Variants in TRAP1 observed in about 807,000 individuals in gnomAD.
TRAP1 encodes the protein heat shock protein 75 kDa, mitochondrial.
Under a neutral mutation model 89.1 loss-of-function variants are expected in TRAP1, and 102 were observed. The observed-to-expected ratio is 1.15, with a 90% CI of 0.98 to 1.35. The LOEUF (loss-of-function observed/expected upper bound fraction) is 1.35. Among genes scored for constraint, TRAP1 ranks in the 40% most tolerant of loss-of-function variants. The pLI is 0.00. For synonymous variants in TRAP1, 508 were observed against 388.0 expected (o/e 1.31, Z -3.64); for missense variants, 1,256 against 945.3 (o/e 1.33, Z -4.31).
intron 11 of TRAP1, 120 bp from the exon 12 acceptor site, chr16:3,666,238 C>G: frequency 8.0e-7 from 1 of 1,249,082 alleles, no homozygotes; most frequent in East Asian, 2.5e-5. Context: ...AACAAGGTAC[C>G]GTTATTGGCC....
chr16:3,698,856 AG>A (rs1425575032), intron 1 of TRAP1, among the ~76,000 whole-genome samples: 1 of 151,984 alleles, frequency 6.6e-6, no homozygotes, highest in African/African-American at 2.4e-5. Flanking sequence ...ACTGCATTTC[AG>A]GGTGGGAGAT....
chr16:3,672,644 T>C, intron 10 of TRAP1, 56 bp downstream of exon 10: 1 of 1,556,614 alleles, frequency 6.4e-7, no homozygotes, highest in South Asian at 1.2e-5. Flanking sequence ...CCCTCACAGA[T>C]GCAGCGGGCG....
intron 17 of TRAP1, chr16:3,658,583 G>A: frequency 3.4e-6 from 2 of 582,418 alleles, no homozygotes; most frequent in South Asian, 4.2e-5. Flanking sequence ...TGAGGCAGGG[G>A]AATTGCTTGA....
At chr16:3,661,918 A>G (rs2043099046) in intron 16 of TRAP1, 69 bp downstream of exon 16, 1 of 1,503,074 alleles carries the variant, frequency 6.7e-7, no homozygotes, top group Non-Finnish European at 8.9e-7. Flanking sequence ...ACATTCCACA[A>G]CAAAAGAACA....
chr16:3,714,401 C>T (rs965047930), intron 1 of TRAP1, among the ~76,000 whole-genome samples: 2 of 152,214 alleles, frequency 1.3e-5, no homozygotes, highest in African/African-American at 4.8e-5. Flanking sequence ...TGGCTCACGC[C>T]TGTAATCCCA....
rs377480920 is a variant in TRAP1 at position 3,662,900 on chromosome 16, C to G, written c.1776G>C (p.Ser592=). 38 of 1,613,408 alleles carry G rather than the reference C, an allele frequency of 2.4e-5. No homozygotes were observed. Among genetic ancestry groups the G allele is most frequent in the Non-Finnish European group, 3.1e-5 (37 of 1,180,008 alleles). Residue 592 remains serine, a synonymous_variant, in exon 15 of 18, where the codon TCG becomes TCC. Transcript: ENST00000246957. The part of the protein sequence containing the change: ...LMAWMRNVLG[S]RVTNVKVTLR... ...GCCTCACCTTCACGTTGGTGACACG[C>G]GACCCCAGCACATTTCTCATCCAGG... is the stretch of plus-strand genomic sequence containing the variant.
At chr16:3,716,967 A>G (rs2051605575) in intron 1 of TRAP1, among the ~76,000 whole-genome samples, 1 of 152,126 alleles carries the variant, frequency 6.6e-6, no homozygotes. Flanking sequence ...TAACAAATGA[A>G]CCCTCAGTGC....
intron 1 of TRAP1, among the ~76,000 whole-genome samples, chr16:3,698,261 T>C (rs2051316971): frequency 6.6e-6 from 1 of 151,842 alleles, no homozygotes. Context: ...ATTAATTGAA[T>C]TGACAGCATT....
intron 15 of TRAP1, chr16:3,662,594 A>AC (rs942405344): frequency 3.2e-6 from 2 of 623,298 alleles, no homozygotes; most frequent in Admixed American, 4.2e-5. Context: ...CTTGTTTGGA[A>AC]CCCCCACGTC....
In TRAP1 at chr16:3,679,723, GACCCC is replaced by G; in HGVS notation, c.534_538del (p.Gly179LysfsTer12). The G allele has an allele frequency of 6.2e-7, 1 of 1,614,050 alleles. No homozygotes were observed. Among genetic ancestry groups the G allele is most frequent in the Non-Finnish European group, 8.5e-7 (1 of 1,179,974 alleles). On this transcript the variant is annotated frameshift_variant, in exon 5 of 18. Coordinates refer to ENST00000246957, the MANE Select transcript of TRAP1 (RefSeq NM_016292.3). LOFTEE classifies it high-confidence loss of function. ...GTGTGGGGGCCCCACGCTTACCTTT[GACCCC>G]GATCTGGCAATCGTCCCCAGGTTGG...
At chr16:3,662,250 C>T (rs1567220513) in intron 15 of TRAP1, 118 bp from the exon 16 acceptor site, 4 of 1,247,914 alleles carry the variant, frequency 3.2e-6, no homozygotes, top group Non-Finnish European at 3.3e-6. Context: ...GTCTCAAGGA[C>T]TCCCCTGGAC....
chr16:3,664,410 C>CCGG lies in TRAP1; in HGVS notation c.1430_1432dup (p.Ser477_Gly478insAla), dbSNP rs201472428. The CCGG allele has an allele frequency of 5.9e-3, 9,469 of 1,612,216 alleles. 64 individuals carry two copies. The highest frequency in any genetic ancestry group is 0.021 in the South Asian group (1,902 of 90,818). On this transcript the variant is annotated inframe_insertion, in exon 13 of 18. Coordinates refer to ENST00000246957, the MANE Select transcript of TRAP1 (RefSeq NM_016292.3). ...GTATTCTGAGAGGCTGGTTAGCTGC[C>CCGG]CGGAGGGCAGCGCCGAGGACTCGTA... is the stretch of plus-strand genomic sequence containing the variant.
chr16:3,658,307 C>CAAA, intron 17 of TRAP1, 77 bp from the exon 18 acceptor site: 2 of 1,212,036 alleles, frequency 1.7e-6, no homozygotes, highest in African/African-American at 3.1e-5. Context: ...GACAGAGTCT[C>CAAA]ACTGTTGCCG....
chr16:3,670,382 C>CAAAAAAAAAAAAAAAAAAAAAAAAAAAAA (rs760902038), intron 11 of TRAP1, among the ~76,000 whole-genome samples: 2 of 22,844 alleles, frequency 8.8e-5, no homozygotes, highest in African/African-American at 1.2e-4. Flanking sequence ...GACTCCGTCT[C>CAAAAAAAAAAAAAAAAAAAAAAAAAAAAA]AAAAAAAAAA....
intron 4 of TRAP1, among the ~76,000 whole-genome samples, chr16:3,682,531 C>T (rs1043480695): frequency 3.3e-5 from 5 of 152,056 alleles, no homozygotes; most frequent in Admixed American, 6.6e-5. Context: ...CTGGGACTAC[C>T]GGCACACGCT....
At chr16:3,709,037 G>A (rs548452270) in intron 1 of TRAP1, among the ~76,000 whole-genome samples, 4 of 151,664 alleles carry the variant, frequency 2.6e-5, no homozygotes, top group East Asian at 3.9e-4. Flanking sequence ...GGATGGTCTC[G>A]ATCTCCTGAC....
At chr16:3,680,328 T>C (rs2051058502) in intron 4 of TRAP1, among the ~76,000 whole-genome samples, 1 of 152,222 alleles carries the variant, frequency 6.6e-6, no homozygotes. Context: ...AAAGTTGCTT[T>C]GTTTGTTAAA....
At chr16:3,660,245 G>A (rs943557306) in intron 16 of TRAP1, 1 of 152,236 alleles carries the variant, frequency 6.6e-6, no homozygotes. Context: ...AAGCCCTAAT[G>A]CTGGCTGCAC....
At chr16:3,699,831 C>G (rs146630776) in intron 1 of TRAP1, among the ~76,000 whole-genome samples, 46 of 147,588 alleles carry the variant, frequency 3.1e-4, no homozygotes, top group African/African-American at 1.1e-3. Flanking sequence ...TCACACAGGA[C>G]TAAATTCTTT....
Sources: gnomAD v4.1 joint callset for allele counts (sites outside exome capture counted in the v4.1 genomes callset) on GRCh38, gnomAD v4.1.1 for gene constraint, MANE v1.5 for transcripts, NCBI Gene and HGNC (gene_info 2026-07-23, HGNC 2026-07-21) for gene names.